The following DIS3L2 variants were observed in gnomAD, a reference collection of about 807,000 sequenced individuals.
DIS3L2 encodes the protein DIS3-like exonuclease 2.
DIS3L2 carries 34 observed loss-of-function variants against 97.5 expected under a neutral mutation model. That is an observed-to-expected ratio of 0.35 (90% CI 0.27 to 0.46). DIS3L2 has a LOEUF of 0.46. Among genes scored for constraint, DIS3L2 ranks in the 20% least tolerant of loss-of-function variants. The probability of loss-of-function intolerance (pLI) is 1.00; values close to 1 mark genes in which losing one functional copy is unlikely to be tolerated. For synonymous variants in DIS3L2, 435 were observed against 445.2 expected (o/e 0.98, Z 0.29); for missense variants, 1,038 against 1,146.0 (o/e 0.91, Z 1.36).
At chr2:231,993,465 C>T (rs1454014762) in intron 1 of DIS3L2, among the ~76,000 whole-genome samples, 1 of 152,074 alleles carries the variant, frequency 6.6e-6, no homozygotes, top group Non-Finnish European at 1.5e-5. Context: ...CCACCTGCCT[C>T]GGCCTCCCAA....
chr2:232,138,559 C>G (rs963508240), intron 8 of DIS3L2, among the ~76,000 whole-genome samples: 7 of 152,016 alleles, frequency 4.6e-5, no homozygotes, highest in Non-Finnish European at 7.4e-5. Flanking sequence ...GTGAGGGCTG[C>G]AGCTGTTGAG....
intron 14 of DIS3L2, among the ~76,000 whole-genome samples, chr2:232,316,380 A>G (rs889685321): frequency 2.6e-5 from 4 of 151,768 alleles, no homozygotes; most frequent in Non-Finnish European, 1.5e-5. Context: ...TGTCCACACA[A>G]TGCTGTGTAT....
intron 5 of DIS3L2, among the ~76,000 whole-genome samples, chr2:232,072,339 A>G (rs1483591998): frequency 2.0e-5 from 3 of 152,172 alleles, no homozygotes. Context: ...ATGAAAGAAG[A>G]CCTCATTGAG....
chr2:232,337,585 T>G (rs1332662416), downstream of DIS3L2, among the ~76,000 whole-genome samples: 1 of 152,134 alleles, frequency 6.6e-6, no homozygotes, highest in African/African-American at 2.4e-5. Flanking sequence ...CCAGCCAGCC[T>G]GACCCCAGCC....
chr2:232,047,615 C>A (rs3116236), intron 5 of DIS3L2, among the ~76,000 whole-genome samples: 1 of 152,206 alleles, frequency 6.6e-6, no homozygotes, highest in Non-Finnish European at 1.5e-5. Flanking sequence ...GTATACAGTT[C>A]TGTGGTTTTA....
intron 17 of DIS3L2, 83 bp from the exon 18 acceptor site, chr2:232,334,286 C>G (rs1013331704): frequency 1.3e-6 from 2 of 1,485,518 alleles, no homozygotes; most frequent in African/African-American, 1.4e-5. Flanking sequence ...GGCGGGGGTG[C>G]AGCGCCATGC....
chr2:232,023,909 T>G (rs1334685542), intron 3 of DIS3L2, among the ~76,000 whole-genome samples: 1 of 152,104 alleles, frequency 6.6e-6, no homozygotes, highest in Admixed American at 6.6e-5. Context: ...AAGGCCTTTA[T>G]ATAGTGAGGC....
At chr2:231,976,649 A>G (rs931619941) in intron 1 of DIS3L2, among the ~76,000 whole-genome samples, 2 of 151,914 alleles carry the variant, frequency 1.3e-5, no homozygotes, top group African/African-American at 4.8e-5. Flanking sequence ...AAAAATTACA[A>G]ATTGAAAATG....
At chr2:231,988,727 G>A (rs950865976) in intron 1 of DIS3L2, among the ~76,000 whole-genome samples, 8 of 152,096 alleles carry the variant, frequency 5.3e-5, no homozygotes, top group African/African-American at 1.9e-4. Flanking sequence ...GTTTGCAGCC[G>A]CAGTCCTGAG....
At chr2:231,988,334 C>T (rs1357322789) in intron 1 of DIS3L2, among the ~76,000 whole-genome samples, 1 of 152,162 alleles carries the variant, frequency 6.6e-6, no homozygotes, top group Non-Finnish European at 1.5e-5. Context: ...TTAATTTCTC[C>T]ACGGAAAGTG....
chr2:232,054,729 A>G (rs925030407), intron 5 of DIS3L2, among the ~76,000 whole-genome samples: 1 of 152,234 alleles, frequency 6.6e-6, no homozygotes, highest in African/African-American at 2.4e-5. Context: ...TTACAAAACT[A>G]TTCTGGAGAA....
intron 13 of DIS3L2, among the ~76,000 whole-genome samples, chr2:232,286,471 G>A (rs1694436861): frequency 1.3e-5 from 2 of 151,990 alleles, no homozygotes; most frequent in Non-Finnish European, 2.9e-5. Flanking sequence ...GGACCTTATT[G>A]TTGTAGAAAT....
At position 232,337,164 on chromosome 2, in the gene DIS3L2, G is replaced by A; in HGVS notation, c.*534G>A. ...ATGATTGATACTGGAGTCTCATTCT[G>A]CCTGATTAAAAATGGAATTAGTATG... On this transcript the variant is annotated 3_prime_UTR_variant, in exon 21 of 21. Transcript: ENST00000325385. The A allele has an allele frequency of 1.0e-6, 1 of 997,452 alleles. No homozygotes were observed. The allele number at this position is 997,452 out of a possible 1,614,324, so 61.8% of individuals were successfully genotyped here.
intron 3 of DIS3L2, among the ~76,000 whole-genome samples, chr2:232,019,062 G>A (rs1694438202): frequency 6.6e-6 from 1 of 152,090 alleles, no homozygotes; most frequent in East Asian, 1.9e-4. Flanking sequence ...TGGCAGAATT[G>A]GCTGTTTCAG....
chr2:232,321,675 G>A (rs533955341), intron 14 of DIS3L2, among the ~76,000 whole-genome samples: 1 of 152,332 alleles, frequency 6.6e-6, no homozygotes, highest in East Asian at 1.9e-4. Context: ...GACAGGAAAG[G>A]GCCTGAGCCT....
intron 5 of DIS3L2, among the ~76,000 whole-genome samples, chr2:232,057,100 A>C (rs1456025630): frequency 6.6e-6 from 1 of 152,230 alleles, no homozygotes; most frequent in African/African-American, 2.4e-5. Context: ...CAACTACAGC[A>C]ATGTGCAGCA....
At chr2:231,976,133 T>C (rs1476952971) in intron 1 of DIS3L2, among the ~76,000 whole-genome samples, 1 of 152,200 alleles carries the variant, frequency 6.6e-6, no homozygotes, top group Non-Finnish European at 1.5e-5. Flanking sequence ...TTTCTTTACA[T>C]GGATGAATTG....
intron 9 of DIS3L2, among the ~76,000 whole-genome samples, chr2:232,192,547 A>G (rs1333010770): frequency 2.0e-5 from 3 of 152,216 alleles, no homozygotes; most frequent in Non-Finnish European, 4.4e-5. Context: ...AAGACTTGAT[A>G]GCATTGTACT....
intron 5 of DIS3L2, among the ~76,000 whole-genome samples, chr2:232,077,175 C>G (rs959241607): frequency 6.6e-6 from 1 of 152,068 alleles, no homozygotes; most frequent in African/African-American, 2.4e-5. Context: ...CACCATGGGT[C>G]CTGCTGTAGA....
Sources: gnomAD v4.1 joint callset for allele counts (sites outside exome capture counted in the v4.1 genomes callset) on GRCh38, gnomAD v4.1.1 for gene constraint, MANE v1.5 for transcripts, NCBI Gene and HGNC (gene_info 2026-07-23, HGNC 2026-07-21) for gene names.